RBMS3: variants seen among roughly 807,000 people sequenced by gnomAD.
The protein encoded by RBMS3 is RNA-binding motif, single-stranded-interacting protein 3.
RBMS3 carries 27 observed loss-of-function variants against 66.8 expected under a neutral mutation model. The ratio of observed to expected loss-of-function variants is 0.40; its 90% CI spans 0.30 to 0.56. RBMS3 has a LOEUF of 0.56. RBMS3 is among the 20% of genes least tolerant of loss of function. RBMS3 has a pLI of 0.40. For missense variants in RBMS3, 513 were observed against 549.5 expected, an observed-to-expected ratio of 0.93 and a Z score of 0.66; for synonymous variants, 188 against 183.0, an observed-to-expected ratio of 1.03 and a Z score of -0.22.
chr3:29,852,569 A>G (rs2058963334), intron 6 of RBMS3, among the ~76,000 whole-genome samples: 1 of 152,244 alleles, frequency 6.6e-6, no homozygotes, highest in South Asian at 2.1e-4. Flanking sequence ...AAAGCTCATC[A>G]TCACTGATCT....
At chr3:29,707,798 G>A (rs938253320) in intron 4 of RBMS3, among the ~76,000 whole-genome samples, 1 of 152,218 alleles carries the variant, frequency 6.6e-6, no homozygotes, top group Non-Finnish European at 1.5e-5. Flanking sequence ...AGACTATCAA[G>A]TGCCAGTAAG....
chr3:29,608,782 A>G lies in RBMS3; in HGVS notation c.399+21577A>G, dbSNP rs190704359. Reference sequence around the variant, plus strand: ...AATAGCTGAGAGGGCAAGAGATCCAAATAGTCCCTGAGTGAATGCAGAAAC... The same window carrying G: ...AATAGCTGAGAGGGCAAGAGATCCAGATAGTCCCTGAGTGAATGCAGAAAC... On this transcript the variant is annotated intron_variant, in intron 4 of 14. Transcript: ENST00000383767. Among the ~76,000 whole-genome samples, 626 of 152,116 alleles carry G rather than the reference A, an allele frequency of 4.1e-3. 20 individuals carry two copies. Among genetic ancestry groups the G allele is most frequent in the Admixed American group, 0.036 (553 of 15,222 alleles).
In RBMS3 at chr3:29,888,723, A is replaced by G. The variant is rs547058159; in HGVS notation, c.791+4515A>G. Among the ~76,000 whole-genome samples, 3 of 151,838 alleles carry G rather than the reference A, an allele frequency of 2.0e-5. No homozygotes were observed. In the South Asian group the frequency reaches 6.2e-4, roughly 32 times the overall value. ...CTACACAAATTCAAACAAAACGCAC[A>G]TATCAAATTTTGTTTTCCTCTGTTT... On this transcript the variant is annotated intron_variant, in intron 8 of 14. Transcript: ENST00000383767.
At chr3:29,845,232 A>C (rs1395202127) in intron 6 of RBMS3, among the ~76,000 whole-genome samples, 1 of 152,184 alleles carries the variant, frequency 6.6e-6, no homozygotes, top group Non-Finnish European at 1.5e-5. Context: ...CACCATCGCT[A>C]TTATTATTTT....
intron 1 of RBMS3, among the ~76,000 whole-genome samples, chr3:29,377,968 C>T (rs529299831): frequency 1.3e-5 from 2 of 152,246 alleles, no homozygotes; most frequent in East Asian, 1.9e-4. Context: ...GTATATTGAT[C>T]CCATTCCTGA....
intron 14 of RBMS3, among the ~76,000 whole-genome samples, chr3:29,992,357 C>A (rs896418899): frequency 2.0e-5 from 3 of 152,060 alleles, no homozygotes. Context: ...GAGGCCGAGG[C>A]GGGCGGATCA....
intron 4 of RBMS3, among the ~76,000 whole-genome samples, chr3:29,593,807 CCAAA>C (rs1328566871): frequency 2.6e-5 from 4 of 152,084 alleles, no homozygotes; most frequent in Non-Finnish European, 4.4e-5. Context: ...TAGCACTGAG[CCAAA>C]CAAAGTTTCA....
In RBMS3 at chr3:29,318,676, C is replaced by T. The variant is rs535753385; in HGVS notation, c.75+36920C>T. On this transcript the variant is annotated intron_variant, in intron 1 of 14. Transcript: ENST00000383767. ...TCATGGATTAGCTTCTTTCCTTTGACGTTTAATTAATTTATTCACACATTC... is the reference window on the plus strand; with the variant it reads ...TCATGGATTAGCTTCTTTCCTTTGATGTTTAATTAATTTATTCACACATTC... 1.4e-4 allele frequency among the ~76,000 whole-genome samples: 22 copies of T among 151,992 alleles called. No homozygotes were observed. The South Asian group carries it at 2.7e-3, about 19-fold the overall frequency.
At chr3:29,935,295 T>A (rs186525473) in intron 10 of RBMS3, among the ~76,000 whole-genome samples, 1 of 152,246 alleles carries the variant, frequency 6.6e-6, no homozygotes, top group East Asian at 1.9e-4. Context: ...GGAAGTTTTT[T>A]AAAATGTCTG....
chr3:29,372,390 T>C (rs2038252732), intron 1 of RBMS3, among the ~76,000 whole-genome samples: 1 of 152,182 alleles, frequency 6.6e-6, no homozygotes, highest in Admixed American at 6.5e-5. Flanking sequence ...AGAACTTTAA[T>C]AATTCCGGGT....
At chr3:29,971,309 C>T (rs1697214208) in intron 12 of RBMS3, among the ~76,000 whole-genome samples, 1 of 152,104 alleles carries the variant, frequency 6.6e-6, no homozygotes, top group Admixed American at 6.6e-5. Flanking sequence ...TCAAGAGCTT[C>T]CTATGATGGA....
At chr3:29,440,941 T>C (rs915638542) in intron 2 of RBMS3, among the ~76,000 whole-genome samples, 3 of 152,208 alleles carry the variant, frequency 2.0e-5, no homozygotes, top group African/African-American at 7.2e-5. Context: ...CAAGTCATCA[T>C]GCACTCCAGG....
intron 10 of RBMS3, among the ~76,000 whole-genome samples, chr3:29,910,700 G>A (rs144637444): frequency 1.1e-4 from 16 of 151,866 alleles, no homozygotes; most frequent in Admixed American, 6.6e-4. Context: ...CAACCAATTA[G>A]GGTGTAGGAG....
At chr3:29,319,972 G>A (rs984256546) in intron 1 of RBMS3, among the ~76,000 whole-genome samples, 7 of 151,948 alleles carry the variant, frequency 4.6e-5, no homozygotes, top group South Asian at 2.1e-4. Flanking sequence ...TTCTGGAGCC[G>A]GGTTTTAAAC....
chr3:29,371,264 A>T (rs2038184591), intron 1 of RBMS3, among the ~76,000 whole-genome samples: 1 of 152,248 alleles, frequency 6.6e-6, no homozygotes, highest in Non-Finnish European at 1.5e-5. Context: ...GAGGAGAGGC[A>T]GGGAGAAGGC....
chr3:29,683,367 G>A (rs1242184274), intron 4 of RBMS3, among the ~76,000 whole-genome samples: 1 of 152,152 alleles, frequency 6.6e-6, no homozygotes, highest in Admixed American at 6.5e-5. Flanking sequence ...TAGAGTGTGA[G>A]TTTATTTCAC....
chr3:29,458,838 A>G (rs569578450), intron 2 of RBMS3, among the ~76,000 whole-genome samples: 10 of 152,232 alleles, frequency 6.6e-5, no homozygotes, highest in Admixed American at 1.3e-4. Flanking sequence ...AGCAGGATGA[A>G]TATTACCACC....
In RBMS3 at chr3:29,956,809, T is replaced by C. The variant is rs150070987; in HGVS notation, c.1098+12555T>C. Reference sequence around the variant, plus strand: ...CCACGTTTCTGAAACAAACAGGACATGTTTGAAATCCTTTTGCAGCTTTCA... The same window carrying C: ...CCACGTTTCTGAAACAAACAGGACACGTTTGAAATCCTTTTGCAGCTTTCA... On this transcript the variant is annotated intron_variant, in intron 12 of 14. Coordinates refer to ENST00000383767, the MANE Select transcript of RBMS3 (RefSeq NM_001003793.3). 2.2e-3 allele frequency among the ~76,000 whole-genome samples: 334 copies of C among 152,196 alleles called. 1 individual carries two copies. The highest frequency in any genetic ancestry group is 7.6e-3 in the African/African-American group (317 of 41,552).
intron 2 of RBMS3, among the ~76,000 whole-genome samples, chr3:29,444,040 G>A (rs1385118421): frequency 6.6e-6 from 1 of 152,086 alleles, no homozygotes; most frequent in East Asian, 1.9e-4. Context: ...TTTTGAGACT[G>A]TATTATACAT....
Sources: gnomAD v4.1 joint callset for allele counts (sites outside exome capture counted in the v4.1 genomes callset) on GRCh38, gnomAD v4.1.1 for gene constraint, MANE v1.5 for transcripts, NCBI Gene and HGNC (gene_info 2026-07-23, HGNC 2026-07-21) for gene names.